Variants in PDE12 observed in about 807,000 individuals in gnomAD.
PDE12 encodes the protein 2',5'-phosphodiesterase 12.
PDE12 carries 26 observed loss-of-function variants against 45.4 expected under a neutral mutation model. The observed-to-expected ratio is 0.57, with a 90% CI of 0.42 to 0.79. PDE12 has a LOEUF of 0.79. Ranked by LOEUF, PDE12 falls within the 30% of genes least tolerant of loss-of-function variation. The pLI, the probability that PDE12 is intolerant of heterozygous loss-of-function variation, is 0.00. For missense variants in PDE12, 668 were observed against 790.0 expected (o/e 0.85, Z 1.85); for synonymous variants, 283 against 323.9 (o/e 0.87, Z 1.36).
chr3:57,626,527 T>G, the PDE12 span: 1 of 152,004 alleles, frequency 6.6e-6, no homozygotes, highest in East Asian at 1.9e-4. Context: ...CTGACCAACA[T>G]GGAGAAACCC....
rs1389749799 is a variant in PDE12 at position 57,561,799 on chromosome 3, G to A, written c.*1795G>A. 1 of 984,118 alleles carries A rather than the reference G, an allele frequency of 1.0e-6. No homozygotes were observed. The highest frequency in any genetic ancestry group is 1.2e-6 in the Non-Finnish European group (1 of 828,946). The allele number at this position is 984,118 out of a possible 1,614,324, so 61.0% of individuals were successfully genotyped here. ...TTTCATATTCTGCTCACTATCAAATGTATTGTTAACACTTAGTAAGTTTGA... is the reference window on the plus strand; with the variant it reads ...TTTCATATTCTGCTCACTATCAAATATATTGTTAACACTTAGTAAGTTTGA... On this transcript the variant is annotated 3_prime_UTR_variant, in exon 3 of 3. Transcript: ENST00000311180.
chr3:57,575,782 C>T, the PDE12 span: 1 of 1,219,870 alleles, frequency 8.2e-7, no homozygotes, highest in African/African-American at 1.6e-5. Context: ...AAACATTAAC[C>T]TAATTTCTCG....
downstream of PDE12, among the ~76,000 whole-genome samples, chr3:57,570,219 G>GTT (rs34599005): frequency 0.037 from 3,797 of 102,160 alleles, 385 homozygotes; most frequent in African/African-American, 0.079. Context: ...TTAATCCAGT[G>GTT]TTTTTTTTTT....
At chr3:57,630,620 G>A in the PDE12 span, 17 of 1,524,810 alleles carry the variant, frequency 1.1e-5, no homozygotes, top group Non-Finnish European at 1.4e-5. Context: ...AACTTTAGTA[G>A]AATTTTTTAA....
At chr3:57,618,632 T>C in the PDE12 span, among the ~76,000 whole-genome samples, 4 of 115,338 alleles carry the variant, frequency 3.5e-5, no homozygotes, top group Non-Finnish European at 5.8e-5. Flanking sequence ...TTTTTTGAGA[T>C]GGAGTTTCGC....
chr3:57,622,419 A>C, the PDE12 span, among the ~76,000 whole-genome samples: 1 of 152,206 alleles, frequency 6.6e-6, no homozygotes, highest in African/African-American at 2.4e-5. Context: ...AAAAAGGCTG[A>C]CCATACAAAA....
chr3:57,585,786 C>T, the PDE12 span, among the ~76,000 whole-genome samples: 100 of 151,466 alleles, frequency 6.6e-4, no homozygotes, highest in African/African-American at 2.3e-3. Flanking sequence ...CCTCAGCTTC[C>T]GGAGTAACTG....
At chr3:57,589,574 T>G in the PDE12 span, among the ~76,000 whole-genome samples, 1 of 147,946 alleles carries the variant, frequency 6.8e-6, no homozygotes, top group Non-Finnish European at 1.5e-5. Context: ...AAAAATTAGC[T>G]AGGCGTGGTG....
At chr3:57,579,579 C>T in the PDE12 span, among the ~76,000 whole-genome samples, 9 of 152,236 alleles carry the variant, frequency 5.9e-5, no homozygotes, top group African/African-American at 1.4e-4. Context: ...TGAGCCACCG[C>T]GCCCAGCCCC....
chr3:57,650,304 C>T, the PDE12 span, among the ~76,000 whole-genome samples: 22 of 149,358 alleles, frequency 1.5e-4, no homozygotes, highest in African/African-American at 5.2e-4. Flanking sequence ...AACAAAAAAC[C>T]TAAAAAAAAA....
chr3:57,655,825 T>C, the PDE12 span, among the ~76,000 whole-genome samples: 1 of 152,134 alleles, frequency 6.6e-6, no homozygotes, highest in Non-Finnish European at 1.5e-5. Flanking sequence ...CCACAAAAGC[T>C]AAGATAATCA....
At chr3:57,569,888 C>A (rs1477991336), downstream of PDE12, among the ~76,000 whole-genome samples, 1 of 147,808 alleles carries the variant, frequency 6.8e-6, no homozygotes, top group Non-Finnish European at 1.5e-5. Context: ...TGCTTTACAT[C>A]ACGAGTAAGA....
At chr3:57,656,056 T>G in the PDE12 span, among the ~76,000 whole-genome samples, 3 of 152,236 alleles carry the variant, frequency 2.0e-5, no homozygotes, top group African/African-American at 7.2e-5. Context: ...CCATAACATG[T>G]ACTTTTTAAG....
At chr3:57,656,371 T>C in the PDE12 span, among the ~76,000 whole-genome samples, 6 of 152,354 alleles carry the variant, frequency 3.9e-5, no homozygotes, top group East Asian at 1.2e-3. Context: ...TTTTTTTAAC[T>C]GCTGAATAGT....
the PDE12 span, chr3:57,645,902 G>C: frequency 0.013 from 8,249 of 628,912 alleles, 125 homozygotes; most frequent in South Asian, 0.035. Flanking sequence ...CACAGAATTA[G>C]AAAGACAGAT....
chr3:57,607,039 G>A, the PDE12 span, among the ~76,000 whole-genome samples: 1 of 152,152 alleles, frequency 6.6e-6, no homozygotes, highest in Admixed American at 6.5e-5. Context: ...GTACCCCTCT[G>A]AGACGAAGCT....
chr3:57,607,266 G>T, the PDE12 span, among the ~76,000 whole-genome samples: 1 of 152,024 alleles, frequency 6.6e-6, no homozygotes. Context: ...AAAGACCAAA[G>T]GTAGATAAAA....
chr3:57,577,523 T>C, the PDE12 span: 3 of 670,476 alleles, frequency 4.5e-6, no homozygotes, highest in Admixed American at 5.3e-5. Flanking sequence ...CTTAAGGCTG[T>C]AATGCTAAAA....
the PDE12 span, among the ~76,000 whole-genome samples, chr3:57,616,813 CAGG>C: frequency 5.9e-5 from 9 of 152,240 alleles, no homozygotes; most frequent in South Asian, 1.9e-3. Flanking sequence ...TGCCTGAGCT[CAGG>C]AGTTCAAGAC....
Sources: allele counts gnomAD v4.1 joint callset (sites outside exome capture counted in the v4.1 genomes callset), GRCh38; gene constraint gnomAD v4.1.1; transcripts MANE v1.5; gene names NCBI Gene and HGNC (gene_info 2026-07-23, HGNC 2026-07-21).